ZNF236: variants seen among roughly 807,000 people sequenced by gnomAD.
ZNF236 encodes zinc finger protein 236, also known as regulated by glucose.
Under a neutral mutation model 191.2 loss-of-function variants are expected in ZNF236, and 50 were observed. That is an observed-to-expected ratio of 0.26 (90% CI 0.21 to 0.33). The LOEUF (loss-of-function observed/expected upper bound fraction) is 0.33. Ranked by LOEUF, ZNF236 falls within the 10% of genes least tolerant of loss-of-function variation. ZNF236 has a pLI of 1.00. For synonymous variants in ZNF236, 907 were observed against 928.8 expected (o/e 0.98, Z 0.43); for missense variants, 1,754 against 2,374.5 (o/e 0.74, Z 5.43).
intron 25 of ZNF236, among the ~76,000 whole-genome samples, chr18:76,936,925 G>A (rs145512825): frequency 6.6e-6 from 1 of 152,278 alleles, no homozygotes; most frequent in Admixed American, 6.5e-5. Flanking sequence ...GTTTTTCTCT[G>A]TGTGTGTTAT....
intron 30 of ZNF236, among the ~76,000 whole-genome samples, chr18:76,967,038 G>C (rs1337391949): frequency 6.6e-6 from 1 of 151,456 alleles, no homozygotes; most frequent in East Asian, 1.9e-4. Context: ...GTGTTATTTG[G>C]TTGTTGGAGG....
intron 25 of ZNF236, among the ~76,000 whole-genome samples, chr18:76,934,030 G>A (rs946353769): frequency 2.0e-5 from 3 of 152,158 alleles, no homozygotes; most frequent in Admixed American, 1.3e-4. Context: ...AACCTCTAAT[G>A]CCCATACAAA....
At position 76,908,361 on chromosome 18, in the gene ZNF236, C is replaced by A; in HGVS notation, c.2339C>A (p.Ala780Asp). The A allele has an allele frequency of 6.2e-7, 1 of 1,614,126 alleles. No homozygotes were observed. The highest frequency in any genetic ancestry group is 8.5e-7 in the Non-Finnish European group (1 of 1,180,022). Residue 780 changes from alanine to aspartate, a missense_variant, in exon 14 of 31, where the codon GCC (alanine) becomes GAC (aspartate). This residue lies in a region of ZNF236 where 641 missense variants were observed against 869.6 expected (regional missense o/e 0.74). Coordinates refer to ENST00000320610, the MANE Select transcript of ZNF236 (RefSeq NM_001306089.2). ...AQQLQQHQQA[A>D]SIDDSTVDQQ... is the part of the protein sequence containing the mutation. ...CAGCTCCAACAGCATCAGCAGGCAGCCTCGATAGATGACAGCACTGTAGAC... is the reference window on the plus strand; with the variant it reads ...CAGCTCCAACAGCATCAGCAGGCAGACTCGATAGATGACAGCACTGTAGAC...
chr18:76,922,968 C>CT, intron 20 of ZNF236, 103 bp from the exon 21 acceptor site: 2 of 859,456 alleles, frequency 2.3e-6, no homozygotes, highest in Non-Finnish European at 3.7e-6. Context: ...CTTGGCCAAA[C>CT]TTAAGCAGAA....
chr18:76,857,280 C>T (rs767123383), intron 3 of ZNF236, among the ~76,000 whole-genome samples: 24 of 152,216 alleles, frequency 1.6e-4, no homozygotes, highest in Non-Finnish European at 2.6e-4. Context: ...CTGAAGGAGC[C>T]GTCTGCTCAG....
intron 2 of ZNF236, among the ~76,000 whole-genome samples, chr18:76,851,345 A>G (rs1396707860): frequency 6.8e-6 from 1 of 147,480 alleles, no homozygotes; most frequent in Non-Finnish European, 1.5e-5. Flanking sequence ...GGCTCATTGC[A>G]ACTTTGGCCT....
intron 26 of ZNF236, among the ~76,000 whole-genome samples, chr18:76,940,777 G>A (rs1968117398): frequency 6.6e-6 from 1 of 152,094 alleles, no homozygotes; most frequent in African/African-American, 2.4e-5. Flanking sequence ...TGCCTTTTTT[G>A]TAGAACAGGG....
At chr18:76,877,131 A>C (rs1301568480) in intron 6 of ZNF236, among the ~76,000 whole-genome samples, 1 of 152,212 alleles carries the variant, frequency 6.6e-6, no homozygotes, top group East Asian at 1.9e-4. Context: ...TAGAGAAAGA[A>C]TATTTTAGGT....
intron 1 of ZNF236, among the ~76,000 whole-genome samples, chr18:76,829,825 G>T (rs190032341): frequency 2.6e-5 from 4 of 152,130 alleles, no homozygotes; most frequent in Admixed American, 6.5e-5. Context: ...GGCCTTCCCC[G>T]CACTGTCCTG....
intron 22 of ZNF236, 108 bp from the exon 23 acceptor site, chr18:76,926,929 A>G: frequency 7.8e-7 from 1 of 1,284,696 alleles, no homozygotes; most frequent in Non-Finnish European, 1.1e-6. Flanking sequence ...GTATTGACAT[A>G]ATGTGTACAA....
intron 13 of ZNF236, 47 bp downstream of exon 13, chr18:76,905,462 A>C: frequency 6.3e-7 from 1 of 1,580,894 alleles, no homozygotes; most frequent in African/African-American, 1.4e-5. Context: ...TATAATTTCC[A>C]GTAGATGGTG....
intron 21 of ZNF236, among the ~76,000 whole-genome samples, chr18:76,924,905 A>G (rs1967632827): frequency 6.6e-6 from 1 of 152,056 alleles, no homozygotes; most frequent in South Asian, 2.1e-4. Context: ...TAAATCAACT[A>G]CTCCAATCAA....
Position 76,968,254 on chromosome 18 carries a change from GGGA to G in ZNF236, c.5464_5466del (p.Glu1822del). The stretch of plus-strand genomic sequence containing the variant: ...TCTGCAGGTCACCCGGAGCAGGACG[GGGA>G]GGAGCTGAGCCGGACCCTCCACCTG... On this transcript the variant is annotated inframe_deletion, in exon 31 of 31. Coordinates refer to ENST00000320610, the MANE Select transcript of ZNF236 (RefSeq NM_001306089.2). 1 of 1,612,772 alleles carries G rather than the reference GGGA, an allele frequency of 6.2e-7. No homozygotes were observed. The highest frequency in any genetic ancestry group is 8.5e-7 in the Non-Finnish European group (1 of 1,179,658).
chr18:76,908,228 T>C, intron 13 of ZNF236, 92 bp from the exon 14 acceptor site: 4 of 1,455,376 alleles, frequency 2.7e-6, no homozygotes, highest in Non-Finnish European at 3.7e-6. Flanking sequence ...AAAAATGTTA[T>C]TTAATCAATG....
At chr18:76,937,495 T>C (rs773886968) in intron 26 of ZNF236, 152 bp downstream of exon 26, 1 of 701,604 alleles carries the variant, frequency 1.4e-6, no homozygotes, top group Non-Finnish European at 2.2e-6. Context: ...ACGGTAAATA[T>C]AAAAGGGGAT....
chr18:76,937,646 A>G (rs578219018), intron 26 of ZNF236, among the ~76,000 whole-genome samples: 32 of 152,218 alleles, frequency 2.1e-4, no homozygotes, highest in Non-Finnish European at 4.6e-4. Flanking sequence ...TGTATAAGGT[A>G]CATAGTTATA....
Position 76,899,078 on chromosome 18 carries a change from A to G in ZNF236, c.1750A>G (p.Lys584Glu), listed in dbSNP as rs1321263644. Reference sequence around the variant, plus strand: ...AAAATTTCGAACCTCAGGCCATAGGAAGACTCACATTGCTTCCCACTTTAA... The same window carrying G: ...AAAATTTCGAACCTCAGGCCATAGGGAGACTCACATTGCTTCCCACTTTAA... ...DKKFRTSGHRKTHIASHFKHT... is the reference protein window; with the variant it reads ...DKKFRTSGHRETHIASHFKHT... The change falls in exon 11 of 31, where the codon AAG becomes GAG. Residue 584 changes from lysine to glutamate, a missense_variant. By Grantham distance (56) the Lys-to-Glu change is moderately conservative. Transcript: ENST00000320610. 1 of 1,614,190 alleles carries G rather than the reference A, an allele frequency of 6.2e-7. No individual in the cohort carries two copies. Among genetic ancestry groups the G allele is most frequent in the East Asian group, 2.2e-5 (1 of 44,884 alleles).
At chr18:76,833,580 G>A (rs1227462144) in intron 1 of ZNF236, among the ~76,000 whole-genome samples, 1 of 152,034 alleles carries the variant, frequency 6.6e-6, no homozygotes, top group Non-Finnish European at 1.5e-5. Context: ...TTGTATATCT[G>A]GATTTGATTT....
rs1247232905 is a variant in ZNF236 at position 76,877,864 on chromosome 18, A to G, written c.841-145A>G. 4 of 574,170 alleles carry G rather than the reference A, an allele frequency of 7.0e-6. No individual in the cohort carries two copies. The East Asian group carries it at 1.2e-4, about 17-fold the overall frequency. The allele number at this position is 574,170 out of a possible 1,614,324, so 35.6% of individuals were successfully genotyped here. On this transcript the variant is annotated intron_variant, in intron 6 of 30. Transcript: ENST00000320610. ...GGGTCATTGATTCTAGAACTATCTA[A>G]TTTAAAAGAAAAAAGGTAATGTTGA... is the stretch of plus-strand genomic sequence containing the variant.
Sources: allele counts gnomAD v4.1 joint callset (sites outside exome capture counted in the v4.1 genomes callset), GRCh38; gene constraint gnomAD v4.1.1; regional missense constraint gnomAD v4.1.1; transcripts MANE v1.5; gene names NCBI Gene and HGNC (gene_info 2026-07-23, HGNC 2026-07-21).